The following ERVK3-1 variants were observed in gnomAD, a reference collection of about 807,000 sequenced individuals.
The protein encoded by ERVK3-1 is endogenous retrovirus group K3 member 1.
At position 58,310,847 on chromosome 19, in the gene ERVK3-1, G is replaced by A. The variant is rs138642955; in HGVS notation, c.-3-1319G>A. 7.6e-6 allele frequency: 3 copies of A among 396,562 alleles called. No homozygotes were observed. Among genetic ancestry groups the A allele is most frequent in the East Asian group, 8.4e-5 (1 of 11,962 alleles). 24.6% of individuals were successfully genotyped at this position (396,562 alleles called of 1,614,324 possible). On this transcript the variant is annotated intron_variant, in intron 2 of 3. Transcript: ENST00000413518. The surrounding 1 kb of genome is among the most constrained non-coding windows in gnomAD (Gnocchi z 4.7). ...GGGAGACCGCCCCCCACCCTTTCCC[G>A]GTCTGCTAAGTAGCGGGTGTTGTTC...
downstream of ERVK3-1, chr19:58,315,756 C>T (rs567092239): frequency 4.6e-5 from 7 of 152,250 alleles, no homozygotes; most frequent in East Asian, 1.9e-4. Flanking sequence ...TCTGTTTGTC[C>T]GAGGAGTGCC....
chr19:58,308,119 C>T (rs530828257), intron 2 of ERVK3-1, among the ~76,000 whole-genome samples: 2 of 152,288 alleles, frequency 1.3e-5, no homozygotes, highest in South Asian at 4.1e-4. Context: ...AAATATATTG[C>T]TCAGCTATTG....
In ERVK3-1 at chr19:58,312,328, A is replaced by G. The variant is rs377736145; in HGVS notation, c.160A>G (p.Met54Val). The change falls in exon 3 of 4, where the codon ATG (methionine) becomes GTG (valine). Residue 54 changes from methionine to valine, a missense_variant. Physicochemically the swap from Met to Val is conservative, Grantham distance 21 (BLOSUM62 1). Coordinates refer to ENST00000413518, the Ensembl canonical transcript of ERVK3-1. The surrounding 1 kb of genome is among the most constrained non-coding windows in gnomAD (Gnocchi z 4.7). Reference sequence around the variant, plus strand: ...AGAACAAGGGCCGACCGGAGTCACAATGACATCCAACCCCATAACATGGGG... The same window carrying G: ...AGAACAAGGGCCGACCGGAGTCACAGTGACATCCAACCCCATAACATGGGG... 13 of 400,112 alleles carry G rather than the reference A, an allele frequency of 3.2e-5. No homozygotes were observed. Among genetic ancestry groups the G allele is most frequent in the East Asian group, 1.8e-4 (5 of 28,092 alleles). The allele number at this position is 400,112 out of a possible 1,614,324, so 24.8% of individuals were successfully genotyped here.
At chr19:58,314,507 G>C (rs1474313449) in intron 3 of ERVK3-1, among the ~76,000 whole-genome samples, 1 of 151,696 alleles carries the variant, frequency 6.6e-6, no homozygotes. Flanking sequence ...GGCACCTGTA[G>C]TCCCAGCTAA....
In ERVK3-1 at chr19:58,310,503, T is replaced by C. The variant is rs1486450568; in HGVS notation, c.-3-1663T>C. The C allele has an allele frequency of 1.9e-5, 3 of 155,758 alleles. No individual in the cohort carries two copies. The highest frequency in any genetic ancestry group is 1.9e-4 in the East Asian group (1 of 5,322). 9.6% of individuals were successfully genotyped at this position (155,758 alleles called of 1,614,324 possible). A position where few individuals can be genotyped will look rare whatever the true frequency, so the allele number is the denominator to read the frequency against. Reference sequence around the variant, plus strand: ...ATGATAGGTAAGGTCACGTGGGTCATGTGTCCACTGGTCAGGGGGCCCTTC... The same window carrying C: ...ATGATAGGTAAGGTCACGTGGGTCACGTGTCCACTGGTCAGGGGGCCCTTC... On this transcript the variant is annotated intron_variant, in intron 2 of 3. Transcript: ENST00000413518. This position sits in a 1 kb window ranked among gnomAD's most constrained non-coding sequence, Gnocchi z 4.7.
At position 58,310,755 on chromosome 19, in the gene ERVK3-1, C is replaced by T. The variant is rs1427165702; in HGVS notation, c.-3-1411C>T. Reference sequence around the variant, plus strand: ...GGCCTCCGGATAACTGTGGGCGAGCCTGACTAATGTCAGGCCCTCCACAAG... The same window carrying T: ...GGCCTCCGGATAACTGTGGGCGAGCTTGACTAATGTCAGGCCCTCCACAAG... On this transcript the variant is annotated intron_variant, in intron 2 of 3. Coordinates refer to ENST00000413518, the Ensembl canonical transcript of ERVK3-1. The surrounding 1 kb of genome is among the most constrained non-coding windows in gnomAD (Gnocchi z 4.7). 1 of 245,520 alleles carries T rather than the reference C, an allele frequency of 4.1e-6. No individual in the cohort carries two copies. The highest frequency in any genetic ancestry group is 8.5e-6 in the Non-Finnish European group (1 of 117,926). The allele number at this position is 245,520 out of a possible 1,614,324, so 15.2% of individuals were successfully genotyped here. A position where few individuals can be genotyped will look rare whatever the true frequency, so the allele number is the denominator to read the frequency against.
In ERVK3-1 at chr19:58,313,112, A is replaced by G. The variant is rs1359876327; in HGVS notation, c.294+650A>G. On this transcript the variant is annotated intron_variant, in intron 3 of 3. Coordinates refer to ENST00000413518, the Ensembl canonical transcript of ERVK3-1. The surrounding 1 kb of genome is among the most constrained non-coding windows in gnomAD (Gnocchi z 4.5). ...AACCCGCCCTTACCTCAGTGACGTC[A>G]TCTAGGAAACAGAGGCCCAATTCAG... The G allele has an allele frequency of 6.6e-6, 1 of 152,238 alleles. No homozygotes were observed. The highest frequency in any genetic ancestry group is 2.4e-5 in the African/African-American group (1 of 41,460). 9.4% of individuals were successfully genotyped at this position (152,238 alleles called of 1,614,324 possible).
chr19:58,308,189 A>G (rs2051536428), intron 2 of ERVK3-1, among the ~76,000 whole-genome samples: 1 of 152,252 alleles, frequency 6.6e-6, no homozygotes, highest in Non-Finnish European at 1.5e-5. Context: ...GAGGAAATCA[A>G]GAATTTGGGA....
Position 58,313,765 on chromosome 19 carries a change from G to A in ERVK3-1, c.295-983G>A, listed in dbSNP as rs1191677125. On this transcript the variant is annotated intron_variant, in intron 3 of 3. Coordinates refer to ENST00000413518, the Ensembl canonical transcript of ERVK3-1. The surrounding 1 kb of genome is among the most constrained non-coding windows in gnomAD (Gnocchi z 4.5). Reference sequence around the variant, plus strand: ...TTCTGGGTCGTATCCCTGGATTATGGATCCCTGTCAATTTGTGCAAACCTT... The same window carrying A: ...TTCTGGGTCGTATCCCTGGATTATGAATCCCTGTCAATTTGTGCAAACCTT... 6.6e-6 allele frequency among the ~76,000 whole-genome samples: 1 copy of A among 152,176 alleles called. No homozygotes were observed. The highest frequency in any genetic ancestry group is 1.5e-5 in the Non-Finnish European group (1 of 68,038).
At chr19:58,315,923 GAAAC>G (rs901701896), downstream of ERVK3-1, among the ~76,000 whole-genome samples, 2 of 152,176 alleles carry the variant, frequency 1.3e-5, no homozygotes, top group African/African-American at 4.8e-5. Flanking sequence ...AGTGGCCCTG[GAAAC>G]AAACCTGTCT....
At chr19:58,306,421 G>A (rs1439863404) in intron 2 of ERVK3-1, 1 of 152,194 alleles carries the variant, frequency 6.6e-6, no homozygotes, top group African/African-American at 2.4e-5. Flanking sequence ...AGGTACTCTT[G>A]CTGTGGAAAA....
chr19:58,314,833 G>A (rs1344402220), exon 4 of ERVK3-1: 2 of 399,938 alleles, frequency 5.0e-6, no homozygotes, highest in Non-Finnish European at 8.8e-6. Context: ...AAAAACAAAA[G>A]GGGAGATGTT....
intron 1 of ERVK3-1, among the ~76,000 whole-genome samples, 197 bp downstream of exon 1, chr19:58,305,642 T>C (rs2147967216): frequency 6.6e-6 from 1 of 152,108 alleles, no homozygotes; most frequent in African/African-American, 2.4e-5. Flanking sequence ...GTGTCACCGC[T>C]TATGCGCCCG....
chr19:58,306,363 T>G (rs1018635005), intron 2 of ERVK3-1, 147 bp downstream of exon 2: 2 of 152,196 alleles, frequency 1.3e-5, no homozygotes, highest in Non-Finnish European at 2.9e-5. Context: ...TCTCAAACAT[T>G]AAGCTTCTGC....
At chr19:58,315,117 C>G (rs1200893953) in exon 4 of ERVK3-1, 12 of 235,828 alleles carry the variant, frequency 5.1e-5, no homozygotes, top group South Asian at 3.6e-4. Context: ...TCCCTATTCA[C>G]TCTACCTAAT....
At chr19:58,315,449 T>A (rs1194465687) in exon 4 of ERVK3-1, 1 of 152,234 alleles carries the variant, frequency 6.6e-6, no homozygotes, top group East Asian at 1.9e-4. Context: ...TCATACAATA[T>A]GTGGTTTCTT....
intron 2 of ERVK3-1, among the ~76,000 whole-genome samples, chr19:58,308,748 G>A (rs566577683): frequency 1.3e-5 from 2 of 152,230 alleles, no homozygotes; most frequent in Admixed American, 6.5e-5. Context: ...AAACCTGTGT[G>A]GGTGGATCAA....
At chr19:58,307,760 G>GGAGCCT (rs2051533625) in intron 2 of ERVK3-1, among the ~76,000 whole-genome samples, 1 of 152,060 alleles carries the variant, frequency 6.6e-6, no homozygotes, top group African/African-American at 2.4e-5. Flanking sequence ...AAATGAGAAT[G>GGAGCCT]GGGCCTGGGC....
In ERVK3-1 at chr19:58,313,362, C is replaced by T. The variant is rs1008488215; in HGVS notation, c.294+900C>T. Among the ~76,000 whole-genome samples, 10 of 152,192 alleles carry T rather than the reference C, an allele frequency of 6.6e-5. 1 individual carries two copies. Among genetic ancestry groups the T allele is most frequent in the Non-Finnish European group, 1.2e-4 (8 of 68,044 alleles). ...AGTGCAGTGGCGCAATCTCGGGTCA[C>T]TGCAACCTTTGCCTCCCGGGTTCAA... On this transcript the variant is annotated intron_variant, in intron 3 of 3. Transcript: ENST00000413518. The surrounding 1 kb of genome is among the most constrained non-coding windows in gnomAD (Gnocchi z 4.5).
Sources: gnomAD v4.1 joint callset for allele counts (sites outside exome capture counted in the v4.1 genomes callset) on GRCh38, gnomAD v4.1.1 for gene constraint, Gnocchi (gnomAD v3.1) non-coding constraint, MANE v1.5 for transcripts, NCBI Gene and HGNC (gene_info 2026-07-23, HGNC 2026-07-21) for gene names.